Variants in CCL28 observed in about 807,000 individuals in gnomAD.
CCL28 encodes the protein C-C motif chemokine ligand 28.
CCL28 carries 4 observed loss-of-function variants against 7.1 expected under a neutral mutation model. The observed-to-expected ratio is 0.56, with a 90% confidence interval of 0.28 to 1.29. The LOEUF (loss-of-function observed/expected upper bound fraction) is 1.29, where lower values mean the gene tolerates loss of function less well. Ranked by LOEUF, CCL28 falls within the 50% of genes most tolerant of loss-of-function variation. CCL28 has a pLI of 0.11. For missense variants in CCL28, 151 were observed against 163.4 expected, an observed-to-expected ratio of 0.92 and a Z score of 0.41; for synonymous variants, 55 against 57.8, an observed-to-expected ratio of 0.95 and a Z score of 0.22.
chr5:43,371,564 A>T, the CCL28 span, among the ~76,000 whole-genome samples: 7 of 152,242 alleles, frequency 4.6e-5, no homozygotes, highest in Non-Finnish European at 7.3e-5. Flanking sequence ...GGAGAGACCC[A>T]CATGAGGCCT....
intron 1 of CCL28, among the ~76,000 whole-genome samples, chr5:43,411,529 C>G (rs777245817): frequency 6.6e-6 from 1 of 151,808 alleles, no homozygotes. Context: ...CTTCTCTTTC[C>G]CCTCCCCTCC....
intron 1 of CCL28, among the ~76,000 whole-genome samples, chr5:43,409,191 C>T (rs988010762): frequency 2.6e-5 from 4 of 152,038 alleles, no homozygotes; most frequent in Non-Finnish European, 4.4e-5. Flanking sequence ...TTTGTGAGGC[C>T]GAGGTGGGTG....
At chr5:43,403,794 C>T (rs992836948) in intron 1 of CCL28, among the ~76,000 whole-genome samples, 6 of 152,086 alleles carry the variant, frequency 3.9e-5, no homozygotes, top group African/African-American at 1.4e-4. Context: ...ACTATAATAA[C>T]CAATGCAGAG....
rs916044216 is a variant in CCL28 at position 43,379,705 on chromosome 5, T to G, written c.*2155A>C. ...AGGGAGGCCCAGGACACCTGCCACC[T>G]GATAAAGTGGCTCCTGCTCTCTATT... On this transcript the variant is annotated 3_prime_UTR_variant, in exon 3 of 3. Coordinates refer to ENST00000361115, the MANE Select transcript of CCL28 (RefSeq NM_148672.3). 7.2e-5 allele frequency: 11 copies of G among 152,240 alleles called. No individual in the cohort carries two copies. Among genetic ancestry groups the G allele is most frequent in the African/African-American group, 1.4e-4 (6 of 41,432 alleles). The allele number at this position is 152,240 out of a possible 1,614,324, so 9.4% of individuals were successfully genotyped here. A position where few individuals can be genotyped will look rare whatever the true frequency, so the allele number is the denominator to read the frequency against.
At chr5:43,406,441 T>C (rs560183797) in intron 1 of CCL28, among the ~76,000 whole-genome samples, 6 of 152,196 alleles carry the variant, frequency 3.9e-5, no homozygotes, top group South Asian at 4.1e-4. Context: ...TTGACAAAAT[T>C]CAACAACTCT....
chr5:43,392,424 G>C (rs1211799306), intron 1 of CCL28, among the ~76,000 whole-genome samples: 1 of 152,116 alleles, frequency 6.6e-6, no homozygotes, highest in Non-Finnish European at 1.5e-5. Context: ...GCCAATATTT[G>C]CATATCTAAT....
At chr5:43,382,129 T>C in intron 2 of CCL28, 77 bp from the exon 3 acceptor site, 1 of 1,331,962 alleles carries the variant, frequency 7.5e-7, no homozygotes. Context: ...TACATGCAGC[T>C]CCCACTTTGG....
chr5:43,365,004 C>CTTT, the CCL28 span, among the ~76,000 whole-genome samples: 46 of 112,746 alleles, frequency 4.1e-4, no homozygotes, highest in Middle Eastern at 5.5e-3. Flanking sequence ...GGTCTTGACT[C>CTTT]TTTTTTTTTT....
chr5:43,408,929 C>T (rs543283755), intron 1 of CCL28, among the ~76,000 whole-genome samples: 78 of 135,750 alleles, frequency 5.7e-4, no homozygotes, highest in African/African-American at 2.2e-3. Flanking sequence ...CTCACTCTTT[C>T]ACCCAGGCTG....
Position 43,381,881 on chromosome 5 carries a change from G to T in CCL28, c.363C>A (p.Tyr121Ter). The T allele has an allele frequency of 1.2e-6, 2 of 1,613,438 alleles. No individual in the cohort carries two copies. Among genetic ancestry groups the T allele is most frequent in the Non-Finnish European group, 1.7e-6 (2 of 1,179,576 alleles). Residue 121 changes from tyrosine (Y) to a stop codon, truncating the protein, a stop_gained, in exon 3 of 3, where the codon TAC becomes TAA. Transcript: ENST00000361115. LOFTEE classifies it high-confidence loss of function. Reference sequence around the variant, plus strand: ...CTCTCTAATAAGGAGTTTTATGGCCGTATGTTTCGTGTTTCCCCTGATGTG... The same window carrying T: ...CTCTCTAATAAGGAGTTTTATGGCCTTATGTTTCGTGTTTCCCCTGATGTG... ...NRAHQGKHET[Y>*]GHKTPY is the part of the protein sequence containing the mutation.
chr5:43,371,822 CTGTT>C (rs1371408804), downstream of CCL28, among the ~76,000 whole-genome samples: 10 of 152,328 alleles, frequency 6.6e-5, no homozygotes, highest in East Asian at 1.7e-3. Flanking sequence ...CTATCTCAGT[CTGTT>C]TATGTTATAA....
At chr5:43,406,287 AG>A (rs1221539592) in intron 1 of CCL28, among the ~76,000 whole-genome samples, 2 of 152,142 alleles carry the variant, frequency 1.3e-5, no homozygotes, top group Non-Finnish European at 2.9e-5. Context: ...TACATCAAAA[AG>A]CTTATCCACC....
At chr5:43,366,813 C>G in the CCL28 span, among the ~76,000 whole-genome samples, 1 of 152,198 alleles carries the variant, frequency 6.6e-6, no homozygotes, top group African/African-American at 2.4e-5. Flanking sequence ...CCCTGACTAC[C>G]GGCTGCTGCC....
chr5:43,411,024 G>T (rs1240209006), intron 1 of CCL28, among the ~76,000 whole-genome samples: 1 of 152,172 alleles, frequency 6.6e-6, no homozygotes, highest in Admixed American at 6.5e-5. Flanking sequence ...GCAGGGACCA[G>T]GCAGTTAATA....
rs1315826778 is a variant in CCL28 at position 43,412,277 on chromosome 5, A to G, written c.40T>C (p.Cys14Arg). Reference protein sequence around the residue: ...RGLAIVALAVCAALHASEAIL... With the variant: ...RGLAIVALAVRAALHASEAIL... ...CCTTCTGAGGCATGTAGGGCCGCAC[A>G]GACAGCCAAGGCCACGATGGCGAGT... The change falls in exon 1 of 3, where the codon TGT (cysteine) becomes CGT (arginine). Residue 14 changes from cysteine (C) to arginine (R), a missense_variant. By Grantham distance (180) the Cys-to-Arg change is radical. Transcript: ENST00000361115. The G allele has an allele frequency of 1.2e-6, 2 of 1,612,962 alleles. No homozygotes were observed. Among genetic ancestry groups the G allele is most frequent in the East Asian group, 4.5e-5 (2 of 44,872 alleles).
chr5:43,396,845 G>A lies in CCL28; in HGVS notation c.65-8369C>T, dbSNP rs975373293. ...TCGCGCTACTGGTATCTGTAGTCGT[G>A]GCTGCCGTGGACCAGGAGAGACTGA... On this transcript the variant is annotated intron_variant, in intron 1 of 2. Transcript: ENST00000361115. 4.6e-5 allele frequency among the ~76,000 whole-genome samples: 7 copies of A among 152,222 alleles called. 1 individual carries two copies. The East Asian group carries it at 1.3e-3, about 29-fold the overall frequency.
chr5:43,374,503 C>CTG (rs1292793065), downstream of CCL28, among the ~76,000 whole-genome samples: 1 of 152,170 alleles, frequency 6.6e-6, no homozygotes, highest in Non-Finnish European at 1.5e-5. Context: ...AAATTCAAGG[C>CTG]TGGGTGCAGT....
At chr5:43,371,834 T>C (rs182650112), downstream of CCL28, among the ~76,000 whole-genome samples, 8 of 152,348 alleles carry the variant, frequency 5.3e-5, no homozygotes, top group East Asian at 1.5e-3. Context: ...GTTTATGTTA[T>C]AAAGGAATAG....
chr5:43,381,763 G>A lies in CCL28; in HGVS notation c.*97C>T. ...AAAAACCAATATTTTGTTTTGTTCT[G>A]TTGTCTACAATAAGGAGAATTCAGA... On this transcript the variant is annotated 3_prime_UTR_variant, in exon 3 of 3. Transcript: ENST00000361115. The A allele has an allele frequency of 2.9e-6, 3 of 1,040,416 alleles. No homozygotes were observed. The highest frequency in any genetic ancestry group is 3.2e-5 in the South Asian group (2 of 62,026). The allele number at this position is 1,040,416 out of a possible 1,614,324, so 64.4% of individuals were successfully genotyped here. A position where few individuals can be genotyped will look rare whatever the true frequency, so the allele number is the denominator to read the frequency against.
Sources: gnomAD v4.1 joint callset for allele counts (sites outside exome capture counted in the v4.1 genomes callset) on GRCh38, gnomAD v4.1.1 for gene constraint, MANE v1.5 for transcripts, NCBI Gene and HGNC (gene_info 2026-07-23, HGNC 2026-07-21) for gene names.